The following LSM6 variants were observed in gnomAD, a reference collection of about 807,000 sequenced individuals.
LSM6 encodes U6 snRNA-associated Sm-like protein LSm6.
In LSM6, 2 loss-of-function variants were observed where a neutral mutation model predicts 13.5. That is an observed-to-expected ratio of 0.15 (90% CI 0.06 to 0.47). The LOEUF is 0.47. Ranked by LOEUF, LSM6 falls within the 20% of genes least tolerant of loss-of-function variation. The pLI, the probability that LSM6 is intolerant of heterozygous loss-of-function variation, is 0.97. For synonymous variants in LSM6, 43 were observed against 34.9 expected, an observed-to-expected ratio of 1.23 and a Z score of -0.82; for missense variants, 58 against 96.4, an observed-to-expected ratio of 0.60 and a Z score of 1.67.
chr4:146,182,818 A>G lies in LSM6; in HGVS notation c.-10-94A>G, dbSNP rs1221843036. The G allele has an allele frequency of 6.7e-6, 5 of 746,042 alleles. No individual in the cohort carries two copies. The Admixed American group carries it at 8.0e-5, about 12-fold the overall frequency. The allele number at this position is 746,042 out of a possible 1,614,324, so 46.2% of individuals were successfully genotyped here. On this transcript the variant is annotated intron_variant, in intron 1 of 3. Transcript: ENST00000296581. ...TTCTCGCATGGTCCTTTGATACTTC[A>G]TTTTCTGTAAGTATGTTAAGGGCTT...
chr4:146,183,236 TTCTGTCTCCTGTCTCTGCTTTGAGATC>T (rs1730270715), intron 2 of LSM6: 2 of 416,084 alleles, frequency 4.8e-6, no homozygotes, highest in Admixed American at 3.7e-5. Flanking sequence ...TTTGTGTGAC[TTCTGTCTCCTGTCTCTGCTTTGAGATC>T]ATATGTGCCT....
rs547691622 is a variant in LSM6, at chr4:146,187,317, G to A, written c.138G>A (p.Glu46=). 2.5e-6 allele frequency: 4 copies of A among 1,613,808 alleles called. No homozygotes were observed. In the South Asian group the frequency reaches 3.3e-5, roughly 13 times the overall value. Reference sequence around the variant, plus strand: ...ATGGCTACATGAATATAGCCCTGGAGCAGACAGAAGAATATGTAAATGGAC... The same window carrying A: ...ATGGCTACATGAATATAGCCCTGGAACAGACAGAAGAATATGTAAATGGAC... The part of the protein sequence containing the change: ...CLDGYMNIAL[E]QTEEYVNGQL... Residue 46 remains glutamate (E), a synonymous_variant, in exon 3 of 4, where the codon GAG becomes GAA. Coordinates refer to ENST00000296581, the MANE Select transcript of LSM6 (RefSeq NM_007080.3).
At chr4:146,188,161 A>G (rs1730389070) in intron 3 of LSM6, among the ~76,000 whole-genome samples, 1 of 152,190 alleles carries the variant, frequency 6.6e-6, no homozygotes, top group South Asian at 2.1e-4. Context: ...CCCTATGCTT[A>G]CAGGACCTTA....
At chr4:146,177,185 C>G (rs1337213622) in intron 1 of LSM6, among the ~76,000 whole-genome samples, 1 of 152,174 alleles carries the variant, frequency 6.6e-6, no homozygotes, top group African/African-American at 2.4e-5. Flanking sequence ...ATCCAAGTCA[C>G]ACAGCTAATT....
intron 2 of LSM6, 98 bp downstream of exon 2, chr4:146,183,113 A>C: frequency 2.6e-6 from 2 of 771,434 alleles, no homozygotes; most frequent in South Asian, 1.5e-5. Context: ...ATAGGCCAAA[A>C]AAGTACTGGT....
rs1730427166 is a variant in LSM6, at chr4:146,189,682, A to G, written c.*26A>G. ...AGACACCAAGAGAGCAACGCTTTTC[A>G]TAGTTGGATATATTTTTTTATGAAT... On this transcript the variant is annotated 3_prime_UTR_variant, in exon 4 of 4. Transcript: ENST00000296581. The G allele has an allele frequency of 1.9e-6, 3 of 1,565,442 alleles. No individual in the cohort carries two copies. The highest frequency in any genetic ancestry group is 2.3e-5 in the East Asian group (1 of 44,324).
At chr4:146,178,926 C>T (rs184104418) in intron 1 of LSM6, among the ~76,000 whole-genome samples, 27 of 152,340 alleles carry the variant, frequency 1.8e-4, no homozygotes, top group Non-Finnish European at 4.4e-5. Context: ...TTGCTTTCCA[C>T]CTCACAGGGT....
chr4:146,185,822 C>T (rs898270539), intron 2 of LSM6, among the ~76,000 whole-genome samples: 3 of 151,912 alleles, frequency 2.0e-5, no homozygotes, highest in Admixed American at 6.6e-5. Flanking sequence ...CTGCAACCTC[C>T]GCCTCCCAAG....
At chr4:146,185,754 T>C (rs1380740926) in intron 2 of LSM6, among the ~76,000 whole-genome samples, 3 of 152,180 alleles carry the variant, frequency 2.0e-5, no homozygotes, top group Admixed American at 6.5e-5. Flanking sequence ...TTTTCTTTTT[T>C]GAGACCGAGT....
chr4:146,188,103 C>T (rs988854970), intron 3 of LSM6, among the ~76,000 whole-genome samples: 1 of 152,150 alleles, frequency 6.6e-6, no homozygotes, highest in Non-Finnish European at 1.5e-5. Flanking sequence ...ATAGTTGGAT[C>T]TCTTTGCTAT....
At chr4:146,189,459 A>T (rs192395128) in intron 3 of LSM6, among the ~76,000 whole-genome samples, 163 bp from the exon 4 acceptor site, 8 of 151,924 alleles carry the variant, frequency 5.3e-5, no homozygotes, top group Middle Eastern at 3.4e-3. Context: ...GTAGATTCAT[A>T]AAACTAGTCT....
chr4:146,188,692 A>G (rs903684373), intron 3 of LSM6, among the ~76,000 whole-genome samples: 3 of 152,136 alleles, frequency 2.0e-5, no homozygotes, highest in Non-Finnish European at 4.4e-5. Flanking sequence ...TTTCATTCCT[A>G]CGGACCACAC....
chr4:146,178,531 G>T (rs1730161421), intron 1 of LSM6, among the ~76,000 whole-genome samples: 1 of 152,330 alleles, frequency 6.6e-6, no homozygotes, highest in South Asian at 2.1e-4. Flanking sequence ...TATTAGTCTA[G>T]TGCTGCAATT....
intron 1 of LSM6, chr4:146,180,869 C>A (rs546354718): frequency 1.3e-5 from 2 of 152,284 alleles, no homozygotes; most frequent in East Asian, 3.9e-4. Flanking sequence ...AGCATGTATT[C>A]AAAATGTAAA....
chr4:146,187,340 G>A lies in LSM6; in HGVS notation c.161G>A (p.Gly54Glu). ...ALEQTEEYVNGQLKNKYGDAF... is the reference protein window; with the variant it reads ...ALEQTEEYVNEQLKNKYGDAF... The stretch of plus-strand genomic sequence containing the variant: ...GAGCAGACAGAAGAATATGTAAATG[G>A]ACAACTGAAGAATAAGTATGGGGAT... Residue 54 changes from glycine to glutamate, a missense_variant, in exon 3 of 4, where the codon GGA becomes GAA. Physicochemically the swap from Gly to Glu is moderately conservative, Grantham distance 98 (BLOSUM62 -2). Coordinates refer to ENST00000296581, the MANE Select transcript of LSM6 (RefSeq NM_007080.3). The A allele has an allele frequency of 6.2e-7, 1 of 1,613,752 alleles. No homozygotes were observed. Among genetic ancestry groups the A allele is most frequent in the Non-Finnish European group, 8.5e-7 (1 of 1,179,676 alleles).
chr4:146,187,549 G>T (rs932146520), intron 3 of LSM6, 162 bp downstream of exon 3: 13 of 538,824 alleles, frequency 2.4e-5, no homozygotes, highest in Non-Finnish European at 4.3e-5. Context: ...TTATTTTGTA[G>T]ATGCTTCATG....
chr4:146,182,445 C>A (rs570814735), intron 1 of LSM6, among the ~76,000 whole-genome samples: 2 of 152,176 alleles, frequency 1.3e-5, no homozygotes, highest in Non-Finnish European at 2.9e-5. Context: ...TACTTTTCAT[C>A]AGCAAAATGA....
rs775931289 is a variant in LSM6, at chr4:146,190,463, A to G, written c.*807A>G. The G allele has an allele frequency of 2.0e-5, 3 of 152,252 alleles. No homozygotes were observed. The highest frequency in any genetic ancestry group is 3.2e-3 in the Middle Eastern group (1 of 316). The allele number at this position is 152,252 out of a possible 1,614,324, so 9.4% of individuals were successfully genotyped here. ...ACAGTCAGATTAAAGCAAAGCCTAGAGTTTGTAAACATAATTCAGGTTCTA... is the reference window on the plus strand; with the variant it reads ...ACAGTCAGATTAAAGCAAAGCCTAGGGTTTGTAAACATAATTCAGGTTCTA... On this transcript the variant is annotated 3_prime_UTR_variant, in exon 4 of 4. Transcript: ENST00000296581.
intron 1 of LSM6, among the ~76,000 whole-genome samples, chr4:146,177,966 C>T (rs1459825842): frequency 6.6e-6 from 1 of 152,182 alleles, no homozygotes; most frequent in Non-Finnish European, 1.5e-5. Flanking sequence ...GAGTAGACTT[C>T]GGGAAAATCT....
Sources: gnomAD v4.1 joint callset for allele counts (sites outside exome capture counted in the v4.1 genomes callset) on GRCh38, gnomAD v4.1.1 for gene constraint, MANE v1.5 for transcripts, NCBI Gene and HGNC (gene_info 2026-07-23, HGNC 2026-07-21) for gene names.